Variants in GRIA1 observed in about 807,000 individuals in gnomAD.
GRIA1 encodes the protein glutamate receptor 1.
In GRIA1, 31 loss-of-function variants were observed where a neutral mutation model predicts 99.2. The ratio of observed to expected loss-of-function variants is 0.31; its 90% CI spans 0.23 to 0.42. The LOEUF is 0.42. GRIA1 is among the 10% of genes least tolerant of loss of function. The pLI is 1.00. For synonymous variants in GRIA1, 438 were observed against 432.4 expected, an observed-to-expected ratio of 1.01 and a Z score of -0.16; for missense variants, 782 against 1,157.5, an observed-to-expected ratio of 0.68 and a Z score of 4.71.
intron 10 of GRIA1, among the ~76,000 whole-genome samples, chr5:153,701,619 CAAAAAAAAAAAAA>C (rs70978504): frequency 1.0e-4 from 4 of 39,426 alleles, no homozygotes; most frequent in African/African-American, 2.8e-4. Flanking sequence ...AGACCCGTCT[CAAAAAAAAAAAAA>C]AAAAAAAAAA....
At position 153,609,555 on chromosome 5, in the gene GRIA1, CTTTTTTTTTT is replaced by C. The variant is rs3036982; in HGVS notation, c.221-37356_221-37347del. ...TGGCATTTGGGATTCAGACTCTTTT[CTTTTTTTTTT>C]TTTTTTTTTTTTTTTTGAGATGGAG... is the stretch of plus-strand genomic sequence containing the variant. On this transcript the variant is annotated intron_variant, in intron 2 of 15. Transcript: ENST00000285900. 5.5e-4 allele frequency among the ~76,000 whole-genome samples: 46 copies of C among 84,364 alleles called. 1 individual carries two copies. The highest frequency in any genetic ancestry group is 2.5e-3 in the African/African-American group (44 of 17,814). 55.3% of individuals were successfully genotyped at this position (84,364 alleles called of 152,430 possible). A position where few individuals can be genotyped will look rare whatever the true frequency, so the allele number is the denominator to read the frequency against.
chr5:153,792,224 A>G (rs1765343337), intron 13 of GRIA1, among the ~76,000 whole-genome samples: 1 of 152,212 alleles, frequency 6.6e-6, no homozygotes, highest in Admixed American at 6.5e-5. Context: ...CCATCAATGT[A>G]GGATATAAAT....
chr5:153,591,436 T>C (rs1304615403), intron 2 of GRIA1, among the ~76,000 whole-genome samples: 1 of 152,206 alleles, frequency 6.6e-6, no homozygotes, highest in East Asian at 1.9e-4. Context: ...CACATCCCTA[T>C]ACCAACTAGG....
chr5:153,674,683 A>G (rs769351295), intron 6 of GRIA1, 22 bp downstream of exon 6: 6 of 1,612,704 alleles, frequency 3.7e-6, no homozygotes, highest in Non-Finnish European at 5.1e-6. Flanking sequence ...GGCAGCCAGC[A>G]GCAAAGGGCC....
At chr5:153,534,607 G>T (rs1332220613) in intron 2 of GRIA1, among the ~76,000 whole-genome samples, 1 of 152,200 alleles carries the variant, frequency 6.6e-6, no homozygotes, top group Admixed American at 6.5e-5. Flanking sequence ...ATTGGTAGTT[G>T]CTCACAGAAA....
chr5:153,687,435 A>G (rs1757418231), intron 8 of GRIA1, among the ~76,000 whole-genome samples: 1 of 152,200 alleles, frequency 6.6e-6, no homozygotes, highest in African/African-American at 2.4e-5. Context: ...AAATGATCTA[A>G]GAGTGTGCAG....
intron 7 of GRIA1, among the ~76,000 whole-genome samples, chr5:153,684,860 G>A (rs1436098554): frequency 6.6e-6 from 1 of 152,218 alleles, no homozygotes; most frequent in Non-Finnish European, 1.5e-5. Flanking sequence ...AGAGCATGTT[G>A]TAAAATTTGC....
At chr5:153,806,737 G>A (rs1353845292) in intron 15 of GRIA1, among the ~76,000 whole-genome samples, 1 of 152,216 alleles carries the variant, frequency 6.6e-6, no homozygotes, top group Non-Finnish European at 1.5e-5. Flanking sequence ...AGGAAGCGAA[G>A]AAGGAAAGAT....
intron 2 of GRIA1, among the ~76,000 whole-genome samples, chr5:153,541,116 T>C (rs2113488224): frequency 2.0e-5 from 3 of 152,316 alleles, no homozygotes; most frequent in Admixed American, 2.0e-4. Flanking sequence ...GCCTAATGCT[T>C]TTGTCTGGCA....
chr5:153,674,047 T>C (rs1756391815), intron 5 of GRIA1, among the ~76,000 whole-genome samples: 1 of 152,226 alleles, frequency 6.6e-6, no homozygotes, highest in South Asian at 2.1e-4. Flanking sequence ...TGGTTGGGTA[T>C]TGGGATGGTA....
intron 2 of GRIA1, among the ~76,000 whole-genome samples, chr5:153,507,135 T>C (rs1044886069): frequency 1.3e-5 from 2 of 151,848 alleles, no homozygotes; most frequent in African/African-American, 2.4e-5. Context: ...AAAATAATAA[T>C]AATAAATAAA....
At chr5:153,768,945 G>A (rs1010216204) in intron 12 of GRIA1, among the ~76,000 whole-genome samples, 7 of 152,192 alleles carry the variant, frequency 4.6e-5, no homozygotes, top group Non-Finnish European at 1.0e-4. Context: ...TTTAGAAACA[G>A]TATGCTAGAT....
chr5:153,749,628 C>T (rs896739134), intron 11 of GRIA1, among the ~76,000 whole-genome samples: 1 of 152,054 alleles, frequency 6.6e-6, no homozygotes, highest in African/African-American at 2.4e-5. Flanking sequence ...GGCATCAGAC[C>T]CTTCATGAGG....
chr5:153,791,309 A>C (rs1445099105), intron 13 of GRIA1, among the ~76,000 whole-genome samples: 1 of 151,836 alleles, frequency 6.6e-6, no homozygotes, highest in Admixed American at 6.6e-5. Context: ...GAAAAGAAAA[A>C]ACCTGCTTTG....
intron 10 of GRIA1, among the ~76,000 whole-genome samples, chr5:153,705,222 G>A (rs931393506): frequency 6.6e-6 from 1 of 152,198 alleles, no homozygotes; most frequent in African/African-American, 2.4e-5. Context: ...AAACCCATTT[G>A]AGTCCTATGT....
At chr5:153,738,230 G>A (rs747395845) in intron 11 of GRIA1, among the ~76,000 whole-genome samples, 23 of 152,108 alleles carry the variant, frequency 1.5e-4, no homozygotes, top group Non-Finnish European at 2.9e-4. Context: ...AGTTATTCTG[G>A]GAAAACTCCT....
chr5:153,722,774 A>G (rs1205557024), intron 11 of GRIA1, among the ~76,000 whole-genome samples: 2 of 152,202 alleles, frequency 1.3e-5, no homozygotes. Context: ...TACGGGGTGT[A>G]GAAGGGATTC....
intron 2 of GRIA1, among the ~76,000 whole-genome samples, chr5:153,523,389 C>T (rs1380818549): frequency 6.6e-6 from 1 of 152,162 alleles, no homozygotes; most frequent in Non-Finnish European, 1.5e-5. Flanking sequence ...ACCACTTCCT[C>T]CAAGAAGCCT....
At chr5:153,518,244 C>CT (rs898218711) in intron 2 of GRIA1, among the ~76,000 whole-genome samples, 38 of 151,162 alleles carry the variant, frequency 2.5e-4, no homozygotes, top group South Asian at 2.1e-4. Flanking sequence ...AACTTTGAAG[C>CT]TTTTTTTTTA....
Sources: gnomAD v4.1 joint callset for allele counts (sites outside exome capture counted in the v4.1 genomes callset) on GRCh38, gnomAD v4.1.1 for gene constraint, MANE v1.5 for transcripts, NCBI Gene and HGNC (gene_info 2026-07-23, HGNC 2026-07-21) for gene names.